The following PDE11A variants were observed in gnomAD, a reference collection of about 807,000 sequenced individuals.
PDE11A encodes the protein dual 3',5'-cyclic-AMP and -GMP phosphodiesterase 11A.
PDE11A carries 100 observed loss-of-function variants against 100.5 expected under a neutral mutation model. That is an observed-to-expected ratio of 1.00 (90% CI 0.85 to 1.18). The LOEUF (loss-of-function observed/expected upper bound fraction) is 1.18, where lower values mean the gene tolerates loss of function less well. Among genes scored for constraint, PDE11A ranks in the 50% most tolerant of loss-of-function variants. PDE11A has a pLI of 0.00. For missense variants in PDE11A, 1,141 were observed against 1,152.6 expected, an observed-to-expected ratio of 0.99 and a Z score of 0.15; for synonymous variants, 381 against 420.8, an observed-to-expected ratio of 0.91 and a Z score of 1.16.
chr2:177,630,890 T>C (rs777466889), intron 19 of PDE11A, among the ~76,000 whole-genome samples: 1 of 152,296 alleles, frequency 6.6e-6, no homozygotes, highest in South Asian at 2.1e-4. Flanking sequence ...AAGATTTTGA[T>C]GACATTTAAC....
chr2:177,675,067 T>C (rs963166877), intron 17 of PDE11A, among the ~76,000 whole-genome samples: 13 of 151,910 alleles, frequency 8.6e-5, no homozygotes, highest in Non-Finnish European at 1.9e-4. Flanking sequence ...AAAAGAAAAA[T>C]ATAATTTCCT....
chr2:177,639,401 C>A (rs1300608379), intron 19 of PDE11A, among the ~76,000 whole-genome samples: 1 of 152,094 alleles, frequency 6.6e-6, no homozygotes, highest in Non-Finnish European at 1.5e-5. Context: ...GAAACAAGGC[C>A]TTTTATCTTT....
chr2:178,020,278 G>A (rs2086390861), intron 1 of PDE11A, among the ~76,000 whole-genome samples: 1 of 152,134 alleles, frequency 6.6e-6, no homozygotes, highest in African/African-American at 2.4e-5. Context: ...CTGCATCTCT[G>A]GAGAAGGGTC....
intron 2 of PDE11A, among the ~76,000 whole-genome samples, chr2:177,921,395 A>C (rs945894805): frequency 2.0e-5 from 3 of 151,632 alleles, no homozygotes; most frequent in Admixed American, 2.0e-4. Flanking sequence ...TCCTATTTGC[A>C]CTACTAGTAC....
At chr2:177,961,086 C>A (rs756462166) in intron 2 of PDE11A, among the ~76,000 whole-genome samples, 1 of 152,142 alleles carries the variant, frequency 6.6e-6, no homozygotes. Flanking sequence ...TAAAATGCTT[C>A]CTCTTACAAA....
At chr2:177,880,941 A>C (rs1185280327) in intron 4 of PDE11A, among the ~76,000 whole-genome samples, 1 of 152,190 alleles carries the variant, frequency 6.6e-6, no homozygotes, top group Admixed American at 6.5e-5. Flanking sequence ...TGTCAACTTG[A>C]CTGGGCTAAG....
At chr2:177,844,703 G>A (rs1000786523) in intron 5 of PDE11A, among the ~76,000 whole-genome samples, 5 of 151,240 alleles carry the variant, frequency 3.3e-5, no homozygotes, top group Non-Finnish European at 5.9e-5. Context: ...CAGTATTTGT[G>A]TCCCTGGGTA....
chr2:177,915,743 C>T (rs533619683), intron 2 of PDE11A, among the ~76,000 whole-genome samples: 100 of 152,302 alleles, frequency 6.6e-4, no homozygotes, highest in African/African-American at 2.3e-3. Flanking sequence ...GCATGGTAAG[C>T]GTATCGTTAG....
intron 19 of PDE11A, among the ~76,000 whole-genome samples, chr2:177,631,093 C>T (rs1484165747): frequency 2.0e-5 from 3 of 150,660 alleles, no homozygotes; most frequent in Admixed American, 6.6e-5. Flanking sequence ...AAGAGATAGA[C>T]ACTACTAACT....
chr2:178,040,306 T>G (rs2086668058), intron 1 of PDE11A, among the ~76,000 whole-genome samples: 3 of 152,116 alleles, frequency 2.0e-5, no homozygotes, highest in Admixed American at 2.0e-4. Flanking sequence ...TCCACCCACC[T>G]CGGCTTCCCA....
At chr2:177,687,391 A>C (rs982610912) in intron 15 of PDE11A, 9 of 152,166 alleles carry the variant, frequency 5.9e-5, no homozygotes, top group African/African-American at 2.2e-4. Flanking sequence ...ATATTGCTCT[A>C]TGTGTTTTAA....
chr2:177,697,433 C>A lies in PDE11A; in HGVS notation c.2245-1G>T, dbSNP rs760515400. 16 of 1,451,484 alleles carry A rather than the reference C, an allele frequency of 1.1e-5. No individual in the cohort carries two copies. The highest frequency in any genetic ancestry group is 1.6e-5 in the Non-Finnish European group (16 of 1,032,112). The allele number at this position is 1,451,484 out of a possible 1,614,324, so 89.9% of individuals were successfully genotyped here. A position where few individuals can be genotyped will look rare whatever the true frequency, so the allele number is the denominator to read the frequency against. On this transcript the variant is annotated splice_acceptor_variant, in intron 14 of 19. Transcript: ENST00000286063. LOFTEE classifies it high-confidence loss of function. The stretch of plus-strand genomic sequence containing the variant: ...ACAGGTTAGCAAAGATATTGTGACC[C>A]TGTAATGAGAAAGTAAAAAGTCACA...
chr2:177,717,732 T>C (rs1399913640), intron 12 of PDE11A, among the ~76,000 whole-genome samples: 1 of 152,152 alleles, frequency 6.6e-6, no homozygotes, highest in Non-Finnish European at 1.5e-5. Flanking sequence ...TGGGCTGAAA[T>C]GTATACTGGG....
At chr2:177,979,091 A>AG (rs1351322132) in intron 2 of PDE11A, among the ~76,000 whole-genome samples, 138 of 142,920 alleles carry the variant, frequency 9.7e-4, no homozygotes, top group African/African-American at 3.4e-3. Context: ...AAAAAAAAAA[A>AG]AAAGAAAGAA....
At chr2:177,988,526 C>T (rs1011849249) in intron 2 of PDE11A, among the ~76,000 whole-genome samples, 7 of 152,174 alleles carry the variant, frequency 4.6e-5, no homozygotes, top group Admixed American at 6.5e-5. Flanking sequence ...TGTGCAGTCA[C>T]AAGGGACCCC....
chr2:178,018,354 T>A, intron 1 of PDE11A: 1 of 50,482 alleles, frequency 2.0e-5, no homozygotes, highest in Admixed American at 2.9e-4. Flanking sequence ...CACGGAAAGC[T>A]GCCAAGGCAG....
intron 10 of PDE11A, among the ~76,000 whole-genome samples, chr2:177,748,555 G>A (rs1225657781): frequency 6.6e-6 from 1 of 152,122 alleles, no homozygotes; most frequent in South Asian, 2.1e-4. Flanking sequence ...GAAGAGTCAT[G>A]AACTATGTAG....
At chr2:177,924,454 T>C (rs1204484688) in intron 2 of PDE11A, among the ~76,000 whole-genome samples, 1 of 152,200 alleles carries the variant, frequency 6.6e-6, no homozygotes, top group African/African-American at 2.4e-5. Context: ...TTTGATTCCA[T>C]GACTTCTCTA....
chr2:177,927,124 G>A (rs1418666660), intron 2 of PDE11A: 1 of 152,166 alleles, frequency 6.6e-6, no homozygotes, highest in Non-Finnish European at 1.5e-5. Flanking sequence ...TCGCACAAGT[G>A]ACCCTGACCC....
Sources: allele counts gnomAD v4.1 joint callset (sites outside exome capture counted in the v4.1 genomes callset), GRCh38; gene constraint gnomAD v4.1.1; transcripts MANE v1.5; gene names NCBI Gene and HGNC (gene_info 2026-07-23, HGNC 2026-07-21).